TTR: variants seen among roughly 807,000 people sequenced by gnomAD.
The protein encoded by TTR is transthyretin.
A neutral mutation model predicts 13.7 loss-of-function variants in TTR; 8 were observed. The observed-to-expected ratio is 0.58, with a 90% confidence interval of 0.34 to 1.05. The LOEUF is 1.05. TTR is among the 50% of genes least tolerant of loss of function. The pLI, the probability that TTR is intolerant of heterozygous loss-of-function variation, is 0.02. For synonymous variants in TTR, 75 were observed against 71.7 expected, an observed-to-expected ratio of 1.05 and a Z score of -0.23; for missense variants, 135 against 185.5, an observed-to-expected ratio of 0.73 and a Z score of 1.58.
At chr18:31,594,285 A>G (rs1287619659) in intron 2 of TTR, among the ~76,000 whole-genome samples, 1 of 152,250 alleles carries the variant, frequency 6.6e-6, no homozygotes, top group Non-Finnish European at 1.5e-5. Context: ...TGGTACTTAC[A>G]TGGAAATAGA....
rs770523146 is a variant in TTR at position 31,591,891 on chromosome 18, A to T, written c.-12A>T. On this transcript the variant is annotated 5_prime_UTR_variant, in exon 1 of 4. Coordinates refer to ENST00000237014, the MANE Select transcript of TTR (RefSeq NM_000371.4). Reference sequence around the variant, plus strand: ...GAGCAGCCATCACAGAAGTCCACTCATTCTTGGCAGGATGGCTTCTCATCG... The same window carrying T: ...GAGCAGCCATCACAGAAGTCCACTCTTTCTTGGCAGGATGGCTTCTCATCG... The T allele has an allele frequency of 9.3e-6, 15 of 1,614,128 alleles. No individual in the cohort carries two copies. The highest frequency in any genetic ancestry group is 8.8e-5 in the South Asian group (8 of 91,078).
chr18:31,598,536 G>A (rs748215796), intron 3 of TTR, 32 bp from the exon 4 acceptor site: 3 of 1,612,612 alleles, frequency 1.9e-6, no homozygotes, highest in Non-Finnish European at 1.7e-6. Flanking sequence ...TCGGGCTCTG[G>A]TGGAAATGGA....
intron 3 of TTR, 193 bp from the exon 4 acceptor site, chr18:31,598,375 A>G: frequency 2.8e-6 from 2 of 704,378 alleles, no homozygotes; most frequent in Non-Finnish European, 5.1e-6. Context: ...CTCCTGCTCT[A>G]AGGACTGTGC....
chr18:31,593,607 G>A (rs2073498350), intron 2 of TTR: 1 of 154,696 alleles, frequency 6.5e-6, no homozygotes, highest in Non-Finnish European at 1.4e-5. Context: ...CACCTACTGT[G>A]TGCAAGGCTG....
At position 31,596,617 on chromosome 18, in the gene TTR, T is replaced by C. The variant is rs77783214; in HGVS notation, c.336+1362T>C. 4.7e-4 allele frequency among the ~76,000 whole-genome samples: 71 copies of C among 152,120 alleles called. 1 individual carries two copies. In the East Asian group the frequency reaches 0.011, roughly 24 times the overall value. On this transcript the variant is annotated intron_variant, in intron 3 of 3. Transcript: ENST00000237014. ...CTGCCCACATGTTGTTCTCTTTCAT[T>C]AGATCTTAGCTTCCTTGTCTGCTCT...
At chr18:31,594,831 T>A (rs527610686) in intron 2 of TTR, among the ~76,000 whole-genome samples, 16 of 152,054 alleles carry the variant, frequency 1.1e-4, no homozygotes, top group African/African-American at 3.9e-4. Context: ...GCCATTGCAC[T>A]CCAGCCTGGG....
At chr18:31,597,235 G>A (rs945724740) in intron 3 of TTR, 2 of 152,158 alleles carry the variant, frequency 1.3e-5, no homozygotes, top group Non-Finnish European at 2.9e-5. Flanking sequence ...TGTAAAGACA[G>A]GTTTTCACCA....
chr18:31,592,025 G>A lies in TTR; in HGVS notation c.69+54G>A, dbSNP rs2073488941. 2.5e-6 allele frequency: 4 copies of A among 1,596,450 alleles called. No homozygotes were observed. In the South Asian group the frequency reaches 3.3e-5, roughly 13 times the overall value. On this transcript the variant is annotated intron_variant, in intron 1 of 3. Coordinates refer to ENST00000237014, the MANE Select transcript of TTR (RefSeq NM_000371.4). The stretch of plus-strand genomic sequence containing the variant: ...ACATTTAAGATTCACGCTAAATGAA[G>A]TAGAAGTGACTCCTTCCAGCTTTGC...
At chr18:31,593,104 C>T (rs1396586685) in intron 2 of TTR, 78 bp downstream of exon 2, 5 of 1,596,976 alleles carry the variant, frequency 3.1e-6, no homozygotes, top group Non-Finnish European at 4.3e-6. Context: ...GAGAGGCTCA[C>T]ATCATCTGCT....
In TTR at chr18:31,596,055, C is replaced by T. The variant is rs538551110; in HGVS notation, c.336+800C>T. On this transcript the variant is annotated intron_variant, in intron 3 of 3. Coordinates refer to ENST00000237014, the MANE Select transcript of TTR (RefSeq NM_000371.4). ...AAAAAAAGAAAAGCCACATTTGTAA[C>T]GTGCTCTGTTCCCCTGCCTATGGTG... 6 of 157,674 alleles carry T rather than the reference C, an allele frequency of 3.8e-5. No homozygotes were observed. In the East Asian group the frequency reaches 7.6e-4, roughly 20 times the overall value. 9.8% of individuals were successfully genotyped at this position (157,674 alleles called of 1,614,324 possible).
chr18:31,597,518 T>A (rs1453703889), intron 3 of TTR, among the ~76,000 whole-genome samples: 2 of 152,230 alleles, frequency 1.3e-5, no homozygotes, highest in African/African-American at 4.8e-5. Flanking sequence ...TCTCACTTCC[T>A]CTTGCCCCAG....
chr18:31,593,840 G>T (rs952077241), intron 2 of TTR, among the ~76,000 whole-genome samples: 2 of 152,160 alleles, frequency 1.3e-5, no homozygotes, highest in African/African-American at 4.8e-5. Flanking sequence ...CCAGAAGACA[G>T]AGCAATCAGG....
Position 31,595,219 on chromosome 18 carries a change from G to A in TTR, c.300G>A (p.Lys100=), listed in dbSNP as rs2144409644. 1 of 1,614,146 alleles carries A rather than the reference G, an allele frequency of 6.2e-7. No individual in the cohort carries two copies. The change falls in exon 3 of 4, where the codon AAG becomes AAA. Residue 100 remains lysine (K), a synonymous_variant. Transcript: ENST00000237014. ...AAATAGACACCAAATCTTACTGGAAGGCACTTGGCATCTCCCCATTCCATG... is the reference window on the plus strand; with the variant it reads ...AAATAGACACCAAATCTTACTGGAAAGCACTTGGCATCTCCCCATTCCATG... The part of the protein sequence containing the change: ...KVEIDTKSYW[K]ALGISPFHEH...
intron 2 of TTR, 150 bp downstream of exon 2, chr18:31,593,176 C>A: frequency 8.6e-7 from 1 of 1,166,956 alleles, no homozygotes; most frequent in Non-Finnish European, 1.2e-6. Flanking sequence ...CTGAAGGATG[C>A]CCTCTTTTTG....
At chr18:31,595,628 A>G in intron 3 of TTR, 1 of 370,002 alleles carries the variant, frequency 2.7e-6, no homozygotes, top group Non-Finnish European at 5.2e-6. Flanking sequence ...AAAACCCGTA[A>G]CATTCTTCAT....
At chr18:31,592,647 C>T (rs2073491627) in intron 1 of TTR, among the ~76,000 whole-genome samples, 1 of 152,148 alleles carries the variant, frequency 6.6e-6, no homozygotes, top group African/African-American at 2.4e-5. Flanking sequence ...TATTTTCTCC[C>T]TTAAAATTCA....
At chr18:31,595,461 G>A (rs766524929) in intron 3 of TTR, 36 of 710,170 alleles carry the variant, frequency 5.1e-5, no homozygotes, top group Non-Finnish European at 8.3e-5. Flanking sequence ...AATCCACTTA[G>A]TAACATGACT....
chr18:31,598,093 T>G lies in TTR; in HGVS notation c.337-475T>G, dbSNP rs75717327. 4.9e-3 allele frequency: 1,370 copies of G among 281,244 alleles called. 19 individuals are homozygous for G. The highest frequency in any genetic ancestry group is 0.028 in the African/African-American group (1,299 of 45,928). 17.4% of individuals were successfully genotyped at this position (281,244 alleles called of 1,614,324 possible). A position where few individuals can be genotyped will look rare whatever the true frequency, so the allele number is the denominator to read the frequency against. On this transcript the variant is annotated intron_variant, in intron 3 of 3. Coordinates refer to ENST00000237014, the MANE Select transcript of TTR (RefSeq NM_000371.4). ...ACTATGGTTCCATCAGAATGTAGAC[T>G]GGGACAATACAATAATTCAAGTCTG...
intron 2 of TTR, among the ~76,000 whole-genome samples, chr18:31,594,602 G>A (rs1217994235): frequency 6.6e-6 from 1 of 152,182 alleles, no homozygotes; most frequent in East Asian, 1.9e-4. Flanking sequence ...GGTGGCTCAC[G>A]CCTGTAATCC....
Sources: gnomAD v4.1 joint callset for allele counts (sites outside exome capture counted in the v4.1 genomes callset) on GRCh38, gnomAD v4.1.1 for gene constraint, MANE v1.5 for transcripts, NCBI Gene and HGNC (gene_info 2026-07-23, HGNC 2026-07-21) for gene names.